DESI2: variants seen among roughly 807,000 people sequenced by gnomAD.
DESI2 encodes the protein deubiquitinase DESI2.
Under a neutral mutation model 24.1 loss-of-function variants are expected in DESI2, and 10 were observed. The ratio of observed to expected loss-of-function variants is 0.41; its 90% CI spans 0.26 to 0.70. The LOEUF (loss-of-function observed/expected upper bound fraction) is 0.70, where lower values mean the gene tolerates loss of function less well. DESI2 is among the 30% of genes least tolerant of loss of function. The probability of loss-of-function intolerance (pLI) is 0.29; values close to 1 mark genes in which losing one functional copy is unlikely to be tolerated. For missense variants in DESI2, 122 were observed against 234.9 expected (o/e 0.52, Z 3.14); for synonymous variants, 71 against 87.7 (o/e 0.81, Z 1.06).
Position 244,691,892 on chromosome 1 carries a change from T to C in DESI2, c.223T>C (p.Leu75=), listed in dbSNP as rs1310476355. 6.3e-7 allele frequency: 1 copy of C among 1,575,418 alleles called. No homozygotes were observed. The highest frequency in any genetic ancestry group is 1.4e-5 in the African/African-American group (1 of 72,580). Residue 75 remains leucine, a synonymous_variant, in exon 4 of 5, where the codon TTA becomes CTA. Transcript: ENST00000302550. ...TTGTTCTTTAAGAGAAGCTGTTGTTTTAGGGAGCACGGACTTCCTAGAAGA... is the reference window on the plus strand; with the variant it reads ...TTGTTCTTTAAGAGAAGCTGTTGTTCTAGGGAGCACGGACTTCCTAGAAGA... The part of the protein sequence containing the change: ...ETFKFKEAVV[L]GSTDFLEDDI...
chr1:244,688,808 C>T (rs1054868589), intron 2 of DESI2, among the ~76,000 whole-genome samples: 3 of 152,100 alleles, frequency 2.0e-5, no homozygotes, highest in Admixed American at 2.0e-4. Context: ...CAAAGATAAA[C>T]CAATAGTCTT....
chr1:244,656,494 T>G (rs1452549086), intron 1 of DESI2: 1 of 152,194 alleles, frequency 6.6e-6, no homozygotes, highest in Non-Finnish European at 1.5e-5. Flanking sequence ...TTTGGAGTAA[T>G]CTACCACCAA....
chr1:244,671,217 A>AATG (rs1219773359), intron 1 of DESI2, among the ~76,000 whole-genome samples: 2 of 152,186 alleles, frequency 1.3e-5, no homozygotes, highest in Admixed American at 1.3e-4. Flanking sequence ...CTAACTTTCA[A>AATG]ATGAAAACGT....
intron 4 of DESI2, among the ~76,000 whole-genome samples, chr1:244,702,427 T>C (rs1677503381): frequency 6.6e-6 from 1 of 152,134 alleles, no homozygotes; most frequent in Non-Finnish European, 1.5e-5. Flanking sequence ...GGCAAGAGGA[T>C]CGCCTGAACC....
At chr1:244,674,138 G>C (rs1266525495) in intron 1 of DESI2, among the ~76,000 whole-genome samples, 2 of 151,840 alleles carry the variant, frequency 1.3e-5, no homozygotes, top group African/African-American at 4.8e-5. Flanking sequence ...GGAACTACAG[G>C]CGTCCGCCAC....
At chr1:244,675,361 C>T (rs181534593) in intron 1 of DESI2, among the ~76,000 whole-genome samples, 181 of 152,160 alleles carry the variant, frequency 1.2e-3, no homozygotes, top group African/African-American at 4.2e-3. Context: ...GAAGCCATTG[C>T]GTAATCCAAG....
intron 4 of DESI2, among the ~76,000 whole-genome samples, chr1:244,695,873 A>C (rs1332820352): frequency 6.6e-6 from 1 of 152,168 alleles, no homozygotes; most frequent in Non-Finnish European, 1.5e-5. Context: ...ACTCAGGCTC[A>C]AGTGAGCCTC....
chr1:244,694,348 T>G, intron 4 of DESI2: 1 of 561,800 alleles, frequency 1.8e-6, no homozygotes, highest in Non-Finnish European at 3.4e-6. Context: ...ATGTATAAAT[T>G]ATGTAAAGTT....
chr1:244,653,573 A>G (rs1046430868), intron 1 of DESI2: 1 of 531,132 alleles, frequency 1.9e-6, no homozygotes, highest in African/African-American at 2.0e-5. Context: ...GTTTTGGCCA[A>G]AGCTCGGGTG....
Position 244,656,902 on chromosome 1 carries a change from G to A in DESI2, c.42+3547G>A, listed in dbSNP as rs192502427. On this transcript the variant is annotated intron_variant, in intron 1 of 4. Transcript: ENST00000302550. Reference sequence around the variant, plus strand: ...TGATTCTCCCGCCTCAGCCTGCCAAGTAGCTGGGATTACAGGCACCTGCCA... The same window carrying A: ...TGATTCTCCCGCCTCAGCCTGCCAAATAGCTGGGATTACAGGCACCTGCCA... Among the ~76,000 whole-genome samples, 21 of 152,170 alleles carry A rather than the reference G, an allele frequency of 1.4e-4. No individual in the cohort carries two copies. In the East Asian group the frequency reaches 3.7e-3, roughly 27 times the overall value.
intron 1 of DESI2, among the ~76,000 whole-genome samples, chr1:244,657,165 C>T (rs1675676110): frequency 6.6e-6 from 1 of 152,236 alleles, no homozygotes; most frequent in African/African-American, 2.4e-5. Flanking sequence ...CAAATAAGGA[C>T]ATTTTTGTCT....
chr1:244,691,281 G>T (rs140901166), intron 3 of DESI2, among the ~76,000 whole-genome samples: 7 of 152,220 alleles, frequency 4.6e-5, no homozygotes, highest in Admixed American at 1.3e-4. Context: ...AGAGACGGGG[G>T]TTTCACCGTG....
At chr1:244,660,299 A>G (rs1300250123) in intron 1 of DESI2, among the ~76,000 whole-genome samples, 7 of 152,032 alleles carry the variant, frequency 4.6e-5, no homozygotes, top group African/African-American at 1.7e-4. Context: ...CAGAGTAGCT[A>G]GGACTACAGG....
intron 1 of DESI2, among the ~76,000 whole-genome samples, chr1:244,683,414 C>A (rs375285956): frequency 1.4e-3 from 218 of 151,698 alleles, no homozygotes; most frequent in African/African-American, 5.0e-3. Context: ...CAGGTTCATG[C>A]CATTCTCCTG....
chr1:244,689,647 T>G lies in DESI2; in HGVS notation c.209+305T>G, dbSNP rs2148808095. On this transcript the variant is annotated intron_variant, in intron 3 of 4. Coordinates refer to ENST00000302550, the MANE Select transcript of DESI2 (RefSeq NM_016076.5). The surrounding 1 kb of genome is among the most constrained non-coding windows in gnomAD (Gnocchi z 4.0). The stretch of plus-strand genomic sequence containing the variant: ...GCCTCAGGCTCCCAAGTAGCTGGGA[T>G]TACAGGCGTGCACCACGACGTCCGG... Among the ~76,000 whole-genome samples the G allele has an allele frequency of 6.6e-6, 1 of 152,222 alleles. No individual in the cohort carries two copies. Among genetic ancestry groups the G allele is most frequent in the South Asian group, 2.1e-4 (1 of 4,828 alleles).
At chr1:244,685,343 GC>G (rs1002638275) in intron 1 of DESI2, among the ~76,000 whole-genome samples, 3 of 151,952 alleles carry the variant, frequency 2.0e-5, no homozygotes, top group Non-Finnish European at 4.4e-5. Flanking sequence ...TTGTCAACAT[GC>G]TTTTAGTAAG....
rs374202614 is a variant in DESI2, at chr1:244,663,333, C to T, written c.42+9978C>T. On this transcript the variant is annotated intron_variant, in intron 1 of 4. Coordinates refer to ENST00000302550, the MANE Select transcript of DESI2 (RefSeq NM_016076.5). ...CTGGGACTACAGGCGCCTGCCACCA[C>T]GCCCGGCTAATTTTTTGTATTTTTA... Among the ~76,000 whole-genome samples, 322 of 152,052 alleles carry T rather than the reference C, an allele frequency of 2.1e-3. 1 individual carries two copies. The highest frequency in any genetic ancestry group is 7.5e-3 in the African/African-American group (311 of 41,466).
At chr1:244,681,213 G>C (rs2806611) in intron 1 of DESI2, among the ~76,000 whole-genome samples, 1 of 152,086 alleles carries the variant, frequency 6.6e-6, no homozygotes, top group Non-Finnish European at 1.5e-5. Context: ...ACCAAGATCT[G>C]GACAGTATGT....
At chr1:244,674,968 T>G (rs941028898) in intron 1 of DESI2, among the ~76,000 whole-genome samples, 3 of 152,238 alleles carry the variant, frequency 2.0e-5, no homozygotes, top group African/African-American at 7.2e-5. Context: ...ACATGATACA[T>G]TCCCACCAGT....
Sources: gnomAD v4.1 joint callset for allele counts (sites outside exome capture counted in the v4.1 genomes callset) on GRCh38, gnomAD v4.1.1 for gene constraint, Gnocchi (gnomAD v3.1) non-coding constraint, MANE v1.5 for transcripts, NCBI Gene and HGNC (gene_info 2026-07-23, HGNC 2026-07-21) for gene names.